DNAH5: variants seen among roughly 807,000 people sequenced by gnomAD.
DNAH5 encodes axonemal beta dynein heavy chain 5.
Under a neutral mutation model 518.2 loss-of-function variants are expected in DNAH5, and 372 were observed. The observed-to-expected ratio is 0.72, with a 90% CI of 0.66 to 0.78. The LOEUF (loss-of-function observed/expected upper bound fraction) is 0.78. DNAH5 is among the 30% of genes least tolerant of loss of function. The pLI is 0.00. For synonymous variants in DNAH5, 2,039 were observed against 2,025.9 expected, an observed-to-expected ratio of 1.01 and a Z score of -0.17; for missense variants, 5,523 against 5,687.0, an observed-to-expected ratio of 0.97 and a Z score of 0.93.
At chr5:13,948,879 C>A (rs1321250278), upstream of DNAH5, among the ~76,000 whole-genome samples, 1 of 152,108 alleles carries the variant, frequency 6.6e-6, no homozygotes, top group Non-Finnish European at 1.5e-5. Flanking sequence ...ACCCAAACAA[C>A]CTAAAAATGA....
At chr5:13,772,532 T>C (rs1424691730) in intron 55 of DNAH5, among the ~76,000 whole-genome samples, 1 of 152,224 alleles carries the variant, frequency 6.6e-6, no homozygotes, top group Non-Finnish European at 1.5e-5. Flanking sequence ...AAAACCCTTC[T>C]GTCATCTTCA....
upstream of DNAH5, among the ~76,000 whole-genome samples, chr5:13,945,957 C>T (rs1031786502): frequency 6.6e-5 from 10 of 152,042 alleles, no homozygotes; most frequent in Admixed American, 1.3e-4. Context: ...GGCTGTTGTC[C>T]GTTTCTAATA....
chr5:13,837,574 T>C (rs903767736), intron 35 of DNAH5, among the ~76,000 whole-genome samples: 16 of 148,394 alleles, frequency 1.1e-4, no homozygotes, highest in Admixed American at 6.8e-5. Context: ...AAAAAAAACA[T>C]GAAATAAGGC....
intron 61 of DNAH5, among the ~76,000 whole-genome samples, chr5:13,757,501 T>C (rs1349192028): frequency 2.0e-5 from 3 of 152,182 alleles, no homozygotes; most frequent in Admixed American, 2.0e-4. Flanking sequence ...CATGTATGTC[T>C]TTTTTTGAAA....
chr5:13,909,239 G>T (rs776625303), intron 12 of DNAH5, among the ~76,000 whole-genome samples: 17 of 152,024 alleles, frequency 1.1e-4, no homozygotes, highest in Non-Finnish European at 1.8e-4. Flanking sequence ...CTATGTTTTT[G>T]CCTGTACATA....
At chr5:13,778,662 G>T (rs1297546707) in intron 53 of DNAH5, among the ~76,000 whole-genome samples, 1 of 152,130 alleles carries the variant, frequency 6.6e-6, no homozygotes, top group Non-Finnish European at 1.5e-5. Context: ...CTTGTGATAT[G>T]GGGGAAATTT....
intron 59 of DNAH5, among the ~76,000 whole-genome samples, chr5:13,765,195 T>C (rs1752355900): frequency 6.6e-6 from 1 of 152,148 alleles, no homozygotes; most frequent in Non-Finnish European, 1.5e-5. Context: ...GACTTCAAAT[T>C]AGAGCTTTTT....
chr5:13,782,018 C>T (rs1162205965), intron 52 of DNAH5, among the ~76,000 whole-genome samples: 1 of 152,148 alleles, frequency 6.6e-6, no homozygotes, highest in East Asian at 1.9e-4. Context: ...GGACTAGTTA[C>T]ACCATCAGTC....
At chr5:13,725,864 G>A (rs1002327700) in intron 70 of DNAH5, among the ~76,000 whole-genome samples, 9 of 152,182 alleles carry the variant, frequency 5.9e-5, no homozygotes, top group Non-Finnish European at 1.0e-4. Flanking sequence ...ATGTTGGCCA[G>A]ACTGGTCTTG....
At chr5:13,856,500 C>T (rs1767656144) in intron 30 of DNAH5, among the ~76,000 whole-genome samples, 1 of 152,064 alleles carries the variant, frequency 6.6e-6, no homozygotes, top group South Asian at 2.1e-4. Flanking sequence ...AGAGGGACTC[C>T]TCCCTAACTC....
chr5:13,847,151 C>A (rs1766116241), intron 31 of DNAH5, among the ~76,000 whole-genome samples: 1 of 152,164 alleles, frequency 6.6e-6, no homozygotes, highest in Non-Finnish European at 1.5e-5. Flanking sequence ...CGATTACGAT[C>A]TGATCTGTGT....
At chr5:13,790,638 C>T (rs1443998338) in intron 50 of DNAH5, among the ~76,000 whole-genome samples, 1 of 152,128 alleles carries the variant, frequency 6.6e-6, no homozygotes, top group African/African-American at 2.4e-5. Flanking sequence ...AGGCTCTTCC[C>T]CTTTTGCTCC....
intron 47 of DNAH5, among the ~76,000 whole-genome samples, chr5:13,797,173 A>G (rs940098630): frequency 6.6e-6 from 1 of 152,210 alleles, no homozygotes; most frequent in African/African-American, 2.4e-5. Context: ...ACCAAAAGCA[A>G]TGGCAACAAA....
At chr5:13,863,820 G>A (rs757489458) in intron 28 of DNAH5, among the ~76,000 whole-genome samples, 22 of 152,076 alleles carry the variant, frequency 1.4e-4, no homozygotes, top group Non-Finnish European at 2.8e-4. Context: ...CCCATTGCTC[G>A]ATAACATCAT....
At chr5:13,801,725 C>T (rs1383957415) in intron 47 of DNAH5, among the ~76,000 whole-genome samples, 1 of 152,106 alleles carries the variant, frequency 6.6e-6, no homozygotes, top group East Asian at 1.9e-4. Context: ...CCAGGGGGTT[C>T]CTCGTCAGTG....
chr5:13,854,795 G>C (rs1995388), intron 30 of DNAH5, among the ~76,000 whole-genome samples: 1 of 151,766 alleles, frequency 6.6e-6, no homozygotes, highest in Non-Finnish European at 1.5e-5. Flanking sequence ...ATGGTAAAGG[G>C]ATCAACGCAA....
In DNAH5 at chr5:13,916,424, A is replaced by G. The variant is rs147499872; in HGVS notation, c.1121T>C (p.Ile374Thr). The change falls in exon 9 of 79, where the codon ATA becomes ACA. Residue 374 changes from isoleucine (I) to threonine (T), a missense_variant. Coordinates refer to ENST00000265104, the MANE Select transcript of DNAH5 (RefSeq NM_001369.3). ...LSMMDAIPTL[I>T]NAIKMIYSIS... ...ACTATAGATCATTTTAATTGCATTT[A>G]TAAGTGTAGGAATAGCATCCATCAT... The G allele has an allele frequency of 1.2e-3, 1,928 of 1,558,784 alleles. 5 individuals carry two copies. The highest frequency in any genetic ancestry group is 1.6e-3 in the Non-Finnish European group (1,811 of 1,131,852).
At chr5:13,938,846 G>A (rs528972289) in intron 1 of DNAH5, among the ~76,000 whole-genome samples, 2 of 152,138 alleles carry the variant, frequency 1.3e-5, no homozygotes, top group South Asian at 4.1e-4. Context: ...GATCATCTCA[G>A]GCCAGCTAAC....
intron 1 of DNAH5, among the ~76,000 whole-genome samples, chr5:13,968,526 G>A (rs1489890308): frequency 2.6e-5 from 4 of 152,090 alleles, no homozygotes; most frequent in Admixed American, 2.6e-4. Flanking sequence ...ATCATAAAGG[G>A]ATGCTAAATT....
Sources: allele counts gnomAD v4.1 joint callset (sites outside exome capture counted in the v4.1 genomes callset), GRCh38; gene constraint gnomAD v4.1.1; transcripts MANE v1.5; gene names NCBI Gene and HGNC (gene_info 2026-07-23, HGNC 2026-07-21).